The following WNT11 variants were observed in gnomAD, a reference collection of about 807,000 sequenced individuals.
WNT11 encodes the protein Wnt family member 11.
Under a neutral mutation model 35.6 loss-of-function variants are expected in WNT11, and 20 were observed. The ratio of observed to expected loss-of-function variants is 0.56; its 90% confidence interval spans 0.40 to 0.82. WNT11 has a LOEUF of 0.82. Ranked by LOEUF, WNT11 falls within the 40% of genes least tolerant of loss-of-function variation. WNT11 has a pLI of 0.00. For missense variants in WNT11, 459 were observed against 504.4 expected (o/e 0.91, Z 0.86); for synonymous variants, 200 against 211.9 (o/e 0.94, Z 0.49).
At chr11:76,195,073 C>T in intron 2 of WNT11, 1 of 541,724 alleles carries the variant, frequency 1.8e-6, no homozygotes, top group Non-Finnish European at 3.2e-6. Flanking sequence ...CACCCACGTC[C>T]TCCTACTCAC....
At chr11:76,187,375 T>C in intron 4 of WNT11, 136 bp from the exon 5 acceptor site, 1 of 836,402 alleles carries the variant, frequency 1.2e-6, no homozygotes, top group Admixed American at 3.8e-5. Flanking sequence ...GTCTTGATCT[T>C]TGGGGAATTT....
In WNT11 at chr11:76,191,792, C is replaced by A. The variant is rs753904761; in HGVS notation, c.662G>T (p.Arg221Leu). ...CTCCTGCAGCCCCTTCCAGCAGGTG[C>A]GGATGGAGCAGGAGCCAGACACCCC... The part of the protein sequence containing the change: ...CHGVSGSCSI[R>L]TCWKGLQELQ... The change falls in exon 4 of 5, where the codon CGC (arginine) becomes CTC (leucine). Residue 221 changes from arginine to leucine, a missense_variant. Arg to Leu is a moderately radical substitution (Grantham distance 102). Transcript: ENST00000322563. 3.0e-5 allele frequency: 49 copies of A among 1,611,582 alleles called. No homozygotes were observed. The East Asian group carries it at 1.1e-3, about 36-fold the overall frequency.
At position 76,194,809 on chromosome 11, in the gene WNT11, C is replaced by T; in HGVS notation, c.355G>A (p.Ala119Thr). 6.5e-7 allele frequency: 1 copy of T among 1,546,286 alleles called. No individual in the cohort carries two copies. Among genetic ancestry groups the T allele is most frequent in the Non-Finnish European group, 8.7e-7 (1 of 1,152,732 alleles). The change falls in exon 3 of 5, where the codon GCC becomes ACC. Residue 119 changes from alanine (A) to threonine (T), a missense_variant. Coordinates refer to ENST00000322563, the MANE Select transcript of WNT11 (RefSeq NM_004626.3). The surrounding 1 kb of genome is among the most constrained non-coding windows in gnomAD (Gnocchi z 5.4). ...GCGATGGCGTGGCTGATGGCGGCGG[C>T]CGACAGCGCATACACGAAGGCCGAC... ...RESAFVYALS[A>T]AAISHAIARA...
At position 76,196,755 on chromosome 11, in the gene WNT11, G is replaced by A. The variant is rs535754609; in HGVS notation, c.84-37C>T. On this transcript the variant is annotated intron_variant, in intron 1 of 4. Coordinates refer to ENST00000322563, the MANE Select transcript of WNT11 (RefSeq NM_004626.3). ...GGAAAGGCCATGACCGATGGAAGGA[G>A]AGACAGGGTTGTCAGGGGCCACATG... 13 of 1,543,894 alleles carry A rather than the reference G, an allele frequency of 8.4e-6. No individual in the cohort carries two copies. In the East Asian group the frequency reaches 2.7e-4, roughly 32 times the overall value.
chr11:76,191,915 G>A, intron 3 of WNT11, 59 bp from the exon 4 acceptor site: 17 of 1,534,094 alleles, frequency 1.1e-5, no homozygotes, highest in Non-Finnish European at 1.5e-5. Flanking sequence ...GCCTGACCCG[G>A]GACCCCAGCC....
In WNT11 at chr11:76,194,506, G is replaced by T; in HGVS notation, c.597+61C>A. On this transcript the variant is annotated intron_variant, in intron 3 of 4. Transcript: ENST00000322563. The surrounding 1 kb of genome is among the most constrained non-coding windows in gnomAD (Gnocchi z 5.4). ...CCCCACCACTGGGGCAAGCTGGGTG[G>T]CCCTTTTCTGGCCAATGGCACAAGC... 2 of 1,459,726 alleles carry T rather than the reference G, an allele frequency of 1.4e-6. No homozygotes were observed. The highest frequency in any genetic ancestry group is 1.4e-5 in the South Asian group (1 of 73,120). 90.4% of individuals were successfully genotyped at this position (1,459,726 alleles called of 1,614,324 possible).
chr11:76,198,280 T>G (rs1953319132), intron 1 of WNT11, among the ~76,000 whole-genome samples: 1 of 152,254 alleles, frequency 6.6e-6, no homozygotes, highest in Non-Finnish European at 1.5e-5. Context: ...TGCCCAGGGC[T>G]GACACTCTGT....
At chr11:76,201,664 G>T (rs1407592640) in intron 1 of WNT11, among the ~76,000 whole-genome samples, 2 of 152,158 alleles carry the variant, frequency 1.3e-5, no homozygotes, top group Non-Finnish European at 2.9e-5. Flanking sequence ...GCCTTGCTGG[G>T]ACTGGCTGGG....
chr11:76,210,481 C>A, upstream of WNT11: 1 of 985,306 alleles, frequency 1.0e-6, no homozygotes. Flanking sequence ...CCTCCCGGGG[C>A]GCTCGCCAGG....
At chr11:76,197,488 T>C (rs946383452) in intron 1 of WNT11, among the ~76,000 whole-genome samples, 8 of 152,210 alleles carry the variant, frequency 5.3e-5, no homozygotes, top group African/African-American at 1.9e-4. Context: ...AAGGGATCCA[T>C]GTGGGGAACA....
chr11:76,197,805 C>T (rs879567393), intron 1 of WNT11, among the ~76,000 whole-genome samples: 11 of 152,080 alleles, frequency 7.2e-5, no homozygotes, highest in Non-Finnish European at 1.0e-4. Context: ...CTCGATCTGC[C>T]GTTCTCCTAG....
rs909129069 is a variant in WNT11 at position 76,187,131 on chromosome 11, G to A, written c.999C>T (p.Tyr333=). 27 of 1,612,518 alleles carry A rather than the reference G, an allele frequency of 1.7e-5. No individual in the cohort carries two copies. The highest frequency in any genetic ancestry group is 3.3e-4 in the Middle Eastern group (2 of 6,062). Residue 333 remains tyrosine (Y), a synonymous_variant, in exon 5 of 5, where the codon TAC becomes TAT. Transcript: ENST00000322563. ...DRVVERCHCK[Y]HWCCYVTCRR... is the part of the protein sequence containing the mutation. ...GGCAGGTGACGTAGCAGCACCAGTGGTACTTACAGTGGCACCGCTCGACCA... is the reference window on the plus strand; with the variant it reads ...GGCAGGTGACGTAGCAGCACCAGTGATACTTACAGTGGCACCGCTCGACCA...
rs78069949 is a variant in WNT11 at position 76,191,502 on chromosome 11, G to A, written c.890+62C>T. 5.8e-4 allele frequency: 904 copies of A among 1,552,240 alleles called. 8 individuals carry two copies. The East Asian group carries it at 0.016, about 28-fold the overall frequency. On this transcript the variant is annotated intron_variant, in intron 4 of 4. Transcript: ENST00000322563. ...GTCCCTGCTGTGTGCGTGACCCTGA[G>A]CTGGGGAACAGTATGTGCAACACCA...
intron 1 of WNT11, among the ~76,000 whole-genome samples, chr11:76,201,503 C>T (rs1229448609): frequency 6.6e-6 from 1 of 152,128 alleles, no homozygotes; most frequent in East Asian, 1.9e-4. Context: ...TCCAACAGAC[C>T]CCTAATTGGA....
chr11:76,205,733 AATTTCT>A (rs1468668976), intron 1 of WNT11, among the ~76,000 whole-genome samples: 11 of 151,976 alleles, frequency 7.2e-5, no homozygotes, highest in African/African-American at 2.7e-4. Context: ...CTGCGTGAAT[AATTTCT>A]ATCTAAAGGA....
At chr11:76,198,749 C>A (rs896265559) in intron 1 of WNT11, among the ~76,000 whole-genome samples, 11 of 152,160 alleles carry the variant, frequency 7.2e-5, no homozygotes, top group African/African-American at 9.7e-5. Flanking sequence ...CTGGCCTAGC[C>A]CCAGGAAGAG....
At chr11:76,207,390 C>T (rs1278044524), upstream of WNT11, among the ~76,000 whole-genome samples, 1 of 152,160 alleles carries the variant, frequency 6.6e-6, no homozygotes, top group South Asian at 2.1e-4. Flanking sequence ...AAAAAAAGTT[C>T]CCTAACACGA....
upstream of WNT11, chr11:76,206,642 G>T: frequency 1.1e-6 from 1 of 896,284 alleles, no homozygotes; most frequent in Non-Finnish European, 1.4e-6. Context: ...GCCGGGGGAC[G>T]CGTCCCGCGC....
intron 2 of WNT11, chr11:76,195,053 G>A: frequency 1.7e-6 from 1 of 598,946 alleles, no homozygotes; most frequent in Non-Finnish European, 2.8e-6. Context: ...CACACCCACA[G>A]GCATGCCCTC....
Sources: allele counts gnomAD v4.1 joint callset (sites outside exome capture counted in the v4.1 genomes callset), GRCh38; gene constraint gnomAD v4.1.1; non-coding constraint Gnocchi (gnomAD v3.1); transcripts MANE v1.5; gene names NCBI Gene and HGNC (gene_info 2026-07-23, HGNC 2026-07-21).